LSM3: variants seen among roughly 807,000 people sequenced by gnomAD.
LSM3 encodes U6 snRNA-associated Sm-like protein LSm3.
A neutral mutation model predicts 15.4 loss-of-function variants in LSM3; 14 were observed. That is an observed-to-expected ratio of 0.91 (90% CI 0.60 to 1.42). The LOEUF (loss-of-function observed/expected upper bound fraction) is 1.42, where lower values mean the gene tolerates loss of function less well. LSM3 is among the 40% of genes most tolerant of loss of function. LSM3 has a pLI of 0.00. For missense variants in LSM3, 88 were observed against 127.9 expected (o/e 0.69, Z 1.50); for synonymous variants, 46 against 45.1 (o/e 1.02, Z -0.08).
chr3:14,188,058 A>G (rs984950560), intron 3 of LSM3, among the ~76,000 whole-genome samples: 3 of 152,250 alleles, frequency 2.0e-5, no homozygotes, highest in East Asian at 1.9e-4. Context: ...AAGGCCTTCT[A>G]CAGCATCAGA....
rs888122760 is a variant in LSM3, at chr3:14,199,582, A to G, written c.*1466A>G. 1 of 152,230 alleles carries G rather than the reference A, an allele frequency of 6.6e-6. No individual in the cohort carries two copies. The highest frequency in any genetic ancestry group is 2.4e-5 in the African/African-American group (1 of 41,444). 9.4% of individuals were successfully genotyped at this position (152,230 alleles called of 1,614,324 possible). On this transcript the variant is annotated 3_prime_UTR_variant, in exon 4 of 4. Transcript: ENST00000306024. ...GCCCCTGCAAGTTCATGGAGAAGAG[A>G]AAAACAAGTGTGGGTGAGCTGATGG...
chr3:14,183,267 A>C (rs1697057037), intron 2 of LSM3, among the ~76,000 whole-genome samples: 1 of 152,200 alleles, frequency 6.6e-6, no homozygotes, highest in South Asian at 2.1e-4. Flanking sequence ...GTTAGAAGTA[A>C]ACTTGAGTTC....
In LSM3 at chr3:14,183,884, C is replaced by T. The variant is rs924787333; in HGVS notation, c.133-53C>T. On this transcript the variant is annotated intron_variant, in intron 2 of 3. Coordinates refer to ENST00000306024, the MANE Select transcript of LSM3 (RefSeq NM_014463.3). The stretch of plus-strand genomic sequence containing the variant: ...AATTTGCATATTGTTAAGCCTTTAT[C>T]ATTTTTGTAATTTGATTATTAAATT... 4 of 1,380,776 alleles carry T rather than the reference C, an allele frequency of 2.9e-6. No individual in the cohort carries two copies. In the Admixed American group the frequency reaches 8.8e-5, roughly 30 times the overall value. The allele number at this position is 1,380,776 out of a possible 1,614,324, so 85.5% of individuals were successfully genotyped here. A position where few individuals can be genotyped will look rare whatever the true frequency, so the allele number is the denominator to read the frequency against.
Position 14,198,194 on chromosome 3 carries a change from G to GA in LSM3, c.*81dup, listed in dbSNP as rs1387167861. ...CTAAAAGTACAAAACATTCATAAGAGAAACCTGCATACATTTTGATATTAA... is the reference window on the plus strand; with the variant it reads ...CTAAAAGTACAAAACATTCATAAGAGAAAACCTGCATACATTTTGATATTAA... On this transcript the variant is annotated 3_prime_UTR_variant, in exon 4 of 4. Coordinates refer to ENST00000306024, the MANE Select transcript of LSM3 (RefSeq NM_014463.3). The GA allele has an allele frequency of 1.9e-6, 2 of 1,033,604 alleles. No homozygotes were observed. The highest frequency in any genetic ancestry group is 3.0e-6 in the Non-Finnish European group (2 of 661,470). 64.0% of individuals were successfully genotyped at this position (1,033,604 alleles called of 1,614,324 possible).
intron 3 of LSM3, among the ~76,000 whole-genome samples, chr3:14,193,188 T>G (rs1339574431): frequency 1.3e-5 from 2 of 152,370 alleles, no homozygotes; most frequent in East Asian, 3.9e-4. Context: ...AACCCGACCT[T>G]TCTGTCTGGC....
intron 3 of LSM3, among the ~76,000 whole-genome samples, chr3:14,197,338 C>T (rs1210291917): frequency 2.0e-5 from 3 of 152,210 alleles, no homozygotes; most frequent in Non-Finnish European, 2.9e-5. Context: ...GTTTAGGAGC[C>T]CCTTGGGCTA....
chr3:14,190,863 C>A (rs1360269427), intron 3 of LSM3, among the ~76,000 whole-genome samples: 1 of 152,104 alleles, frequency 6.6e-6, no homozygotes, highest in Non-Finnish European at 1.5e-5. Context: ...CTGTCTTGTG[C>A]CGGTTTTCAG....
At chr3:14,180,829 T>C (rs1436845497) in intron 1 of LSM3, among the ~76,000 whole-genome samples, 1 of 68,648 alleles carries the variant, frequency 1.5e-5, no homozygotes, top group African/African-American at 6.7e-5. Context: ...GCCTTTTTTT[T>C]TTTTTTTTTT....
intron 3 of LSM3, among the ~76,000 whole-genome samples, chr3:14,193,540 T>G (rs1697160397): frequency 6.6e-6 from 1 of 152,248 alleles, no homozygotes; most frequent in African/African-American, 2.4e-5. Flanking sequence ...CTTCAATCAC[T>G]GATGTCCTTT....
chr3:14,180,315 G>A (rs1322585201), intron 1 of LSM3, among the ~76,000 whole-genome samples: 2 of 151,156 alleles, frequency 1.3e-5, no homozygotes, highest in Non-Finnish European at 2.9e-5. Context: ...TTTGGATGGA[G>A]TCTCACTCTA....
At chr3:14,182,326 T>G (rs1307328335) in intron 2 of LSM3, among the ~76,000 whole-genome samples, 1 of 152,154 alleles carries the variant, frequency 6.6e-6, no homozygotes, top group Non-Finnish European at 1.5e-5. Flanking sequence ...GCCATACATG[T>G]TTTTCAGTAC....
chr3:14,179,755 A>C (rs535457709), intron 1 of LSM3, among the ~76,000 whole-genome samples: 30 of 152,376 alleles, frequency 2.0e-4, no homozygotes, highest in African/African-American at 6.7e-4. Flanking sequence ...TGAGTGAATG[A>C]GTTAGATGAT....
chr3:14,180,635 G>T (rs1045839798), intron 1 of LSM3, among the ~76,000 whole-genome samples: 2 of 151,848 alleles, frequency 1.3e-5, no homozygotes, highest in African/African-American at 4.8e-5. Flanking sequence ...TCCTGGCACT[G>T]TTTTTAAATG....
intron 3 of LSM3, among the ~76,000 whole-genome samples, chr3:14,188,469 A>G (rs1170248744): frequency 1.3e-5 from 2 of 152,244 alleles, no homozygotes; most frequent in East Asian, 3.8e-4. Context: ...TACAAAATGC[A>G]GAAAGGAACA....
At chr3:14,181,216 A>G (rs1256949770) in intron 1 of LSM3, among the ~76,000 whole-genome samples, 4 of 152,214 alleles carry the variant, frequency 2.6e-5, no homozygotes, top group African/African-American at 9.6e-5. Flanking sequence ...AGATAAAGCT[A>G]AAGTCCCTGA....
rs1697211045 is a variant in LSM3, at chr3:14,199,033, A to G, written c.*917A>G. On this transcript the variant is annotated 3_prime_UTR_variant, in exon 4 of 4. Coordinates refer to ENST00000306024, the MANE Select transcript of LSM3 (RefSeq NM_014463.3). ...AAAGGGGCAGAGGGACATTGTAAAC[A>G]TCAACCCTGCAGTAGAAGACAGAGC... is the stretch of plus-strand genomic sequence containing the variant. The G allele has an allele frequency of 4.6e-5, 7 of 152,302 alleles. No individual in the cohort carries two copies. The highest frequency in any genetic ancestry group is 2.1e-4 in the South Asian group (1 of 4,812). 9.4% of individuals were successfully genotyped at this position (152,302 alleles called of 1,614,324 possible). A position where few individuals can be genotyped will look rare whatever the true frequency, so the allele number is the denominator to read the frequency against.
chr3:14,189,571 CAT>C lies in LSM3; in HGVS notation c.228+5542_228+5543del, dbSNP rs534493768. Among the ~76,000 whole-genome samples, 1,025 of 152,242 alleles carry C rather than the reference CAT, an allele frequency of 6.7e-3. 14 individuals are homozygous for C. The highest frequency in any genetic ancestry group is 0.023 in the African/African-American group (968 of 41,538). On this transcript the variant is annotated intron_variant, in intron 3 of 3. Coordinates refer to ENST00000306024, the MANE Select transcript of LSM3 (RefSeq NM_014463.3). ...ATGACAGTGATGATGAGCTTTTTTT[CAT>C]ATGTCTTTTGGCTGCATAAATGTCT...
chr3:14,193,360 C>A (rs929253430), intron 3 of LSM3, among the ~76,000 whole-genome samples: 2 of 152,198 alleles, frequency 1.3e-5, no homozygotes, highest in African/African-American at 2.4e-5. Flanking sequence ...TGGATAATAT[C>A]CTGAAGAGTG....
intron 3 of LSM3, 103 bp from the exon 4 acceptor site, chr3:14,197,932 AT>A: frequency 7.2e-6 from 7 of 977,034 alleles, no homozygotes; most frequent in East Asian, 2.5e-5. Flanking sequence ...TTTTAATCCA[AT>A]TTTTTTGTGT....
Sources: gnomAD v4.1 joint callset for allele counts (sites outside exome capture counted in the v4.1 genomes callset) on GRCh38, gnomAD v4.1.1 for gene constraint, MANE v1.5 for transcripts, NCBI Gene and HGNC (gene_info 2026-07-23, HGNC 2026-07-21) for gene names.